The following SEMA4D variants were observed in gnomAD, a reference collection of about 807,000 sequenced individuals.
SEMA4D encodes the protein semaphorin-4D.
SEMA4D carries 22 observed loss-of-function variants against 74.8 expected under a neutral mutation model. The observed-to-expected ratio is 0.29, with a 90% CI of 0.21 to 0.42. SEMA4D has a LOEUF of 0.42. Among genes scored for constraint, SEMA4D ranks in the 10% least tolerant of loss-of-function variants. The pLI is 1.00. For synonymous variants in SEMA4D, 445 were observed against 463.7 expected, an observed-to-expected ratio of 0.96 and a Z score of 0.52; for missense variants, 937 against 1,118.4, an observed-to-expected ratio of 0.84 and a Z score of 2.31.
intron 1 of SEMA4D, among the ~76,000 whole-genome samples, chr9:89,490,729 G>A (rs772438475): frequency 6.6e-6 from 1 of 152,124 alleles, no homozygotes; most frequent in Admixed American, 6.5e-5. Context: ...ACAGGTCTAG[G>A]AGCAACTGTC....
At chr9:89,464,635 G>C (rs956662072) in intron 1 of SEMA4D, among the ~76,000 whole-genome samples, 2 of 152,202 alleles carry the variant, frequency 1.3e-5, no homozygotes, top group African/African-American at 4.8e-5. Flanking sequence ...AAAACCCACT[G>C]GTCTCCCCAG....
At chr9:89,401,110 A>G (rs1423905065) in intron 4 of SEMA4D, among the ~76,000 whole-genome samples, 2 of 152,186 alleles carry the variant, frequency 1.3e-5, no homozygotes, top group Non-Finnish European at 2.9e-5. Context: ...GCTGGACTGC[A>G]GTGGCATGAT....
At chr9:89,367,287 G>A (rs1047977391) in intron 16 of SEMA4D, 6 of 152,364 alleles carry the variant, frequency 3.9e-5, no homozygotes, top group African/African-American at 1.2e-4. Context: ...GGACTGCTGG[G>A]GAGCTCCTGG....
chr9:89,370,122 G>A (rs1834321079), intron 16 of SEMA4D, among the ~76,000 whole-genome samples: 1 of 151,464 alleles, frequency 6.6e-6, no homozygotes, highest in Non-Finnish European at 1.5e-5. Flanking sequence ...TGTGTGTGTG[G>A]TGTGTGTTGG....
chr9:89,450,263 C>A, intron 2 of SEMA4D: 1 of 1,028,456 alleles, frequency 9.7e-7, no homozygotes. Context: ...CAGGAAAGGG[C>A]AAGACCAAGG....
intron 2 of SEMA4D, among the ~76,000 whole-genome samples, chr9:89,423,853 ACTCCCTCAGCACCTCCC>A (rs1847533983): frequency 1.1e-4 from 5 of 43,738 alleles, no homozygotes; most frequent in Non-Finnish European, 1.8e-4. Flanking sequence ...CAGCACCTCC[ACTCCCTCAGCACCTCCC>A]CTCCCTCAGC....
intron 1 of SEMA4D, among the ~76,000 whole-genome samples, chr9:89,482,601 C>T (rs1824808748): frequency 6.6e-6 from 1 of 152,212 alleles, no homozygotes; most frequent in Non-Finnish European, 1.5e-5. Flanking sequence ...CCAGCAGGAA[C>T]GGACTCCCGG....
intron 2 of SEMA4D, among the ~76,000 whole-genome samples, chr9:89,433,928 G>A (rs932554232): frequency 6.6e-6 from 1 of 152,222 alleles, no homozygotes; most frequent in Non-Finnish European, 1.5e-5. Context: ...TCTGGACTGG[G>A]TGACATGGAT....
At chr9:89,392,329 C>T (rs562218912) in intron 8 of SEMA4D, 94 bp downstream of exon 8, 1 of 985,894 alleles carries the variant, frequency 1.0e-6, no homozygotes, top group Non-Finnish European at 1.6e-6. Context: ...AGCTCGGGGG[C>T]CCCCAGGGCT....
chr9:89,370,026 TGTA>T (rs1187352011), intron 16 of SEMA4D, among the ~76,000 whole-genome samples: 1 of 151,366 alleles, frequency 6.6e-6, no homozygotes, highest in Non-Finnish European at 1.5e-5. Flanking sequence ...TGATGTGTGT[TGTA>T]TGCTGTGCTG....
rs371098071 is a variant in SEMA4D, at chr9:89,391,274, C to G, written c.764G>C (p.Arg255Thr). ...GTGCCTGGCACTCACCTTGCACACT[C>G]TTGCTATCCGTGGGATCAGCACCCT... ...VFRVLIPRIA[R>T]VCKGDQGGLR... The change falls in exon 9 of 16, where the codon AGA becomes ACA. Residue 255 changes from arginine to threonine, a missense_variant. Arg to Thr is a moderately conservative substitution (Grantham distance 71, BLOSUM62 -1). Transcript: ENST00000422704. The G allele has an allele frequency of 6.2e-7, 1 of 1,614,196 alleles. No homozygotes were observed. Among genetic ancestry groups the G allele is most frequent in the Non-Finnish European group, 8.5e-7 (1 of 1,180,006 alleles).
chr9:89,402,923 C>G lies in SEMA4D; in HGVS notation c.200G>C (p.Arg67Pro). The G allele has an allele frequency of 6.2e-7, 1 of 1,614,140 alleles. No individual in the cohort carries two copies. Among genetic ancestry groups the G allele is most frequent in the Non-Finnish European group, 8.5e-7 (1 of 1,179,990 alleles). Reference protein sequence around the residue: ...EDKDTLYIGAREAVFAVNALN... With the variant: ...EDKDTLYIGAPEAVFAVNALN... Reference sequence around the variant, plus strand: ...TGCGTTCACAGCGAAGACCGCCTCCCGGGCACCTATGTACAAGGTGTCCTT... The same window carrying G: ...TGCGTTCACAGCGAAGACCGCCTCCGGGGCACCTATGTACAAGGTGTCCTT... Residue 67 changes from arginine to proline, a missense_variant, in exon 4 of 16, where the codon CGG (arginine) becomes CCG (proline). Arg to Pro is a moderately radical substitution (Grantham distance 103). Coordinates refer to ENST00000422704, the MANE Select transcript of SEMA4D (RefSeq NM_001371194.2).
intron 2 of SEMA4D, among the ~76,000 whole-genome samples, chr9:89,446,456 G>A (rs76204685): frequency 2.6e-5 from 4 of 152,202 alleles, no homozygotes; most frequent in Non-Finnish European, 5.9e-5. Flanking sequence ...GACTGACTGA[G>A]TGGCTCTGAA....
chr9:89,467,058 G>C (rs993367315), intron 1 of SEMA4D, among the ~76,000 whole-genome samples: 1 of 152,250 alleles, frequency 6.6e-6, no homozygotes, highest in African/African-American at 2.4e-5. Context: ...CATGTGTGAA[G>C]TTAACGGGGG....
chr9:89,464,651 A>T (rs1858197700), intron 1 of SEMA4D, among the ~76,000 whole-genome samples: 1 of 152,220 alleles, frequency 6.6e-6, no homozygotes, highest in African/African-American at 2.4e-5. Context: ...CCCAGAGTGA[A>T]GCACCCCCAG....
rs909326868 is a variant in SEMA4D, at chr9:89,484,782, G to T, written c.-310+13137C>A. Among the ~76,000 whole-genome samples, 2 of 149,782 alleles carry T rather than the reference G, an allele frequency of 1.3e-5. No individual in the cohort carries two copies. The highest frequency in any genetic ancestry group is 4.9e-5 in the African/African-American group (2 of 40,570). On this transcript the variant is annotated intron_variant, in intron 1 of 15. Coordinates refer to ENST00000422704, the MANE Select transcript of SEMA4D (RefSeq NM_001371194.2). This position sits in a 1 kb window ranked among gnomAD's most constrained non-coding sequence, Gnocchi z 4.1. ...GAAGTGTGTGGTATGGGGAATGTGT[G>T]GTGTGGTGTGTGGATGTATTGTGTG... is the stretch of plus-strand genomic sequence containing the variant.
At chr9:89,459,745 T>C (rs1451086006) in intron 1 of SEMA4D, among the ~76,000 whole-genome samples, 5 of 152,142 alleles carry the variant, frequency 3.3e-5, no homozygotes, top group African/African-American at 7.2e-5. Flanking sequence ...AAATGCCACC[T>C]ACCTAGAAGC....
downstream of SEMA4D, chr9:89,377,042 G>C: frequency 6.5e-7 from 1 of 1,536,900 alleles, no homozygotes; most frequent in Non-Finnish European, 8.8e-7. Flanking sequence ...GAGGGGCTTA[G>C]GAGACGAGGC....
intron 1 of SEMA4D, among the ~76,000 whole-genome samples, chr9:89,489,241 A>G (rs528262675): frequency 2.6e-5 from 4 of 152,350 alleles, no homozygotes; most frequent in African/African-American, 9.6e-5. Context: ...TCTACTTACC[A>G]TGAAACCCTG....
Sources: allele counts gnomAD v4.1 joint callset (sites outside exome capture counted in the v4.1 genomes callset), GRCh38; gene constraint gnomAD v4.1.1; non-coding constraint Gnocchi (gnomAD v3.1); transcripts MANE v1.5; gene names NCBI Gene and HGNC (gene_info 2026-07-23, HGNC 2026-07-21).